Variants in NEB observed in about 807,000 individuals in gnomAD.
NEB encodes nebulin.
NEB carries 512 observed loss-of-function variants against 952.2 expected under a neutral mutation model. That is an observed-to-expected ratio of 0.54 (90% CI 0.50 to 0.58). The LOEUF (loss-of-function observed/expected upper bound fraction) is 0.58, where lower values mean the gene tolerates loss of function less well. Among genes scored for constraint, NEB ranks in the 20% least tolerant of loss-of-function variants. The pLI, the probability that NEB is intolerant of heterozygous loss-of-function variation, is 0.00. For missense variants in NEB, 8,428 were observed against 9,231.1 expected (o/e 0.91, Z 3.56); for synonymous variants, 2,900 against 3,149.8 (o/e 0.92, Z 2.66).
At chr2:151,624,773 C>T (rs2098486406) in intron 71 of NEB, among the ~76,000 whole-genome samples, 1 of 152,112 alleles carries the variant, frequency 6.6e-6, no homozygotes, top group Admixed American at 6.5e-5. Flanking sequence ...AAATTAGTAT[C>T]CTTCTTGAAT....
intron 46 of NEB, among the ~76,000 whole-genome samples, chr2:151,661,587 T>C (rs1216140548): frequency 6.6e-6 from 1 of 152,228 alleles, no homozygotes; most frequent in African/African-American, 2.4e-5. Flanking sequence ...CTTGATCTCT[T>C]ATTGCAAATC....
chr2:151,518,846 A>C (rs1039516235), intron 155 of NEB, 119 bp downstream of exon 155: 1 of 667,112 alleles, frequency 1.5e-6, no homozygotes, highest in African/African-American at 1.8e-5. Context: ...TCAAATGAGA[A>C]CAGTTTTGTA....
At chr2:151,525,119 C>G (rs1291604117) in intron 151 of NEB, 44 bp downstream of exon 151, 5 of 1,375,364 alleles carry the variant, frequency 3.6e-6, no homozygotes, top group Admixed American at 3.4e-5. Flanking sequence ...CTGGGTTCCA[C>G]TGCTTCAAAT....
intron 5 of NEB, among the ~76,000 whole-genome samples, chr2:151,726,420 A>G (rs2099790531): frequency 6.6e-6 from 1 of 152,242 alleles, no homozygotes; most frequent in Admixed American, 6.5e-5. Flanking sequence ...TTTAATGAAA[A>G]GTGAGTATGT....
At chr2:151,499,429 A>C in intron 168 of NEB, 39 bp from the exon 169 acceptor site, 1 of 1,128,472 alleles carries the variant, frequency 8.9e-7, no homozygotes, top group Non-Finnish European at 1.3e-6. Flanking sequence ...AAACAAGAGC[A>C]GTCAAAACAG....
At chr2:151,717,036 G>A (rs1002197840) in intron 10 of NEB, among the ~76,000 whole-genome samples, 6 of 152,170 alleles carry the variant, frequency 3.9e-5, no homozygotes, top group African/African-American at 7.2e-5. Context: ...CAAGTGTGAC[G>A]GATAAGATAG....
chr2:151,578,192 A>G (rs1288095918), intron 105 of NEB, among the ~76,000 whole-genome samples: 1 of 152,272 alleles, frequency 6.6e-6, no homozygotes, highest in Admixed American at 6.5e-5. Context: ...GTAATCCATC[A>G]TTTCCAAAAG....
At chr2:151,496,236 T>C in intron 173 of NEB, 40 bp downstream of exon 173, 7 of 1,499,798 alleles carry the variant, frequency 4.7e-6, no homozygotes, top group Non-Finnish European at 6.4e-6. Context: ...AAGTAGTTTT[T>C]AAAATCAGTA....
intron 10 of NEB, chr2:151,716,187 G>A (rs777397969): frequency 1.5e-5 from 6 of 411,316 alleles, no homozygotes; most frequent in South Asian, 3.6e-5. Context: ...TGCCCAGACT[G>A]GAGTGTAATG....
intron 13 of NEB, among the ~76,000 whole-genome samples, chr2:151,704,560 T>C (rs531869863): frequency 3.9e-5 from 6 of 152,284 alleles, no homozygotes; most frequent in South Asian, 2.1e-4. Context: ...TATAATCTCG[T>C]GGTGCGCCGT....
chr2:151,643,408 A>G, intron 57 of NEB, 55 bp from the exon 58 acceptor site: 2 of 1,405,812 alleles, frequency 1.4e-6, no homozygotes, highest in South Asian at 2.7e-5. Flanking sequence ...ACAATTTGTC[A>G]TAATTTGTCA....
intron 168 of NEB, among the ~76,000 whole-genome samples, chr2:151,499,756 T>G (rs1451095062): frequency 1.3e-5 from 2 of 152,264 alleles, no homozygotes; most frequent in Non-Finnish European, 2.9e-5. Flanking sequence ...AGCGTTTGTC[T>G]TACGGTCTAA....
intron 9 of NEB, among the ~76,000 whole-genome samples, chr2:151,719,271 GT>G (rs1265404466): frequency 6.6e-6 from 1 of 152,200 alleles, no homozygotes; most frequent in Non-Finnish European, 1.5e-5. Flanking sequence ...CTCAATGTGT[GT>G]CTTACACACT....
In NEB at chr2:151,636,252, T is replaced by C. The variant is rs907346350; in HGVS notation, c.9077A>G (p.Lys3026Arg). Residue 3026 changes from lysine to arginine, a missense_variant, in exon 64 of 182, where the codon AAG becomes AGG. Coordinates refer to ENST00000397345, the MANE Select transcript of NEB (RefSeq NM_001164508.2). ...RSDAIPIVAA[K>R]ASRDIISDYK... The stretch of plus-strand genomic sequence containing the variant: ...GTCACTGATGATGTCCCTGGAGGCC[T>C]TGGCCGCCACGATGGGGATGGCGTC... The C allele has an allele frequency of 1.9e-6, 3 of 1,610,066 alleles. No homozygotes were observed. Among genetic ancestry groups the C allele is most frequent in the Non-Finnish European group, 2.5e-6 (3 of 1,179,712 alleles).
At chr2:151,631,098 A>C in intron 66 of NEB, 45 bp downstream of exon 66, 1 of 1,605,914 alleles carries the variant, frequency 6.2e-7, no homozygotes, top group Non-Finnish European at 8.5e-7. Context: ...AAGTATAATA[A>C]CATCTTCTGG....
At chr2:151,673,541 C>A (rs2099325883) in intron 36 of NEB, among the ~76,000 whole-genome samples, 1 of 151,888 alleles carries the variant, frequency 6.6e-6, no homozygotes, top group South Asian at 2.1e-4. Context: ...GTGCAGACCT[C>A]CGAGGAAGAT....
Position 151,493,400 on chromosome 2 carries a change from T to G in NEB, c.24718A>C (p.Thr8240Pro), listed in dbSNP as rs770916105. The G allele has an allele frequency of 3.1e-6, 5 of 1,611,142 alleles. No individual in the cohort carries two copies. The highest frequency in any genetic ancestry group is 2.5e-6 in the Non-Finnish European group (3 of 1,179,094). Residue 8240 changes from threonine to proline, a missense_variant, in exon 176 of 182, where the codon ACT becomes CCT. Thr to Pro is a conservative substitution (Grantham distance 38). Coordinates refer to ENST00000397345, the MANE Select transcript of NEB (RefSeq NM_001164508.2). The stretch of plus-strand genomic sequence containing the variant: ...CGCTTAGCTCTCTCCATCTCTGGAG[T>G]AACAGGTGTCGGAGTTGCTTTTCTC... Reference protein sequence around the residue: ...NMRKATPTPVTPEMERAKRNQ... With the variant: ...NMRKATPTPVPPEMERAKRNQ...
intron 13 of NEB, among the ~76,000 whole-genome samples, chr2:151,698,724 GC>G (rs1174876810): frequency 2.0e-5 from 3 of 146,918 alleles, no homozygotes; most frequent in Non-Finnish European, 4.5e-5. Flanking sequence ...TGCAAGCTCT[GC>G]CTCCTGGGTT....
intron 176 of NEB, 54 bp from the exon 177 acceptor site, chr2:151,492,548 A>C (rs184287699): frequency 7.5e-7 from 1 of 1,335,382 alleles, no homozygotes; most frequent in Non-Finnish European, 1.1e-6. Context: ...TGAAACCTCA[A>C]AGCCTTTCCA....
Sources: allele counts gnomAD v4.1 joint callset (sites outside exome capture counted in the v4.1 genomes callset), GRCh38; gene constraint gnomAD v4.1.1; transcripts MANE v1.5; gene names NCBI Gene and HGNC (gene_info 2026-07-23, HGNC 2026-07-21).